CEP63: variants seen among roughly 807,000 people sequenced by gnomAD.
The protein encoded by CEP63 is centrosomal protein 63.
A neutral mutation model predicts 89.1 loss-of-function variants in CEP63; 84 were observed. The ratio of observed to expected loss-of-function variants is 0.94; its 90% CI spans 0.79 to 1.13. CEP63 has a LOEUF of 1.13. CEP63 is among the 50% of genes most tolerant of loss of function. The pLI, the probability that CEP63 is intolerant of heterozygous loss-of-function variation, is 0.00. For synonymous variants in CEP63, 267 were observed against 272.5 expected (o/e 0.98, Z 0.20); for missense variants, 838 against 813.3 (o/e 1.03, Z -0.37).
Position 134,546,157 on chromosome 3 carries a change from G to A in CEP63, c.798G>A (p.Gln266=), listed in dbSNP as rs2109620024. 1 of 1,613,780 alleles carries A rather than the reference G, an allele frequency of 6.2e-7. No individual in the cohort carries two copies. The highest frequency in any genetic ancestry group is 8.5e-7 in the Non-Finnish European group (1 of 1,179,906). The change falls in exon 8 of 15, where the codon CAG becomes CAA. Residue 266 remains glutamine, a synonymous_variant. Transcript: ENST00000675561. ...ATTTGACTTTTTTGCAGGCTCTGCAGGAAGAAAAGAGAGAATTGAAGGCAG... is the reference window on the plus strand; with the variant it reads ...ATTTGACTTTTTTGCAGGCTCTGCAAGAAGAAAAGAGAGAATTGAAGGCAG... ...RESEKLLEAL[Q]EEKRELKAAL...
At chr3:134,692,340 A>G in the CEP63 span, among the ~76,000 whole-genome samples, 3 of 150,148 alleles carry the variant, frequency 2.0e-5, no homozygotes, top group Non-Finnish European at 4.4e-5. Flanking sequence ...ATTCCCACCT[A>G]TGAGTGGGAA....
At position 134,564,665 on chromosome 3, in the gene CEP63, A is replaced by G. The variant is rs1382142463; in HGVS notation, c.*3130A>G. The G allele has an allele frequency of 6.1e-6, 6 of 985,240 alleles. No individual in the cohort carries two copies. Among genetic ancestry groups the G allele is most frequent in the Non-Finnish European group, 6.0e-6 (5 of 829,848 alleles). 61.0% of individuals were successfully genotyped at this position (985,240 alleles called of 1,614,324 possible). ...GGGGTCGAGAAGATTTACTGAAAAT[A>G]TATATTTGAAAGGGCTTTGCAGTTT... On this transcript the variant is annotated 3_prime_UTR_variant, in exon 15 of 15. Transcript: ENST00000675561.
At chr3:134,518,786 GAAAGA>G (rs1946783302) in intron 3 of CEP63, among the ~76,000 whole-genome samples, 2 of 151,476 alleles carry the variant, frequency 1.3e-5, no homozygotes, top group Admixed American at 6.6e-5. Context: ...AAAGAAATGA[GAAAGA>G]AAAGATGTAA....
the CEP63 span, among the ~76,000 whole-genome samples, chr3:134,742,125 T>A: frequency 1.3e-5 from 2 of 152,158 alleles, no homozygotes; most frequent in African/African-American, 2.4e-5. Context: ...TCAACTTTCA[T>A]CCTCTCATTT....
At chr3:134,713,681 G>A in the CEP63 span, among the ~76,000 whole-genome samples, 1 of 152,242 alleles carries the variant, frequency 6.6e-6, no homozygotes, top group South Asian at 2.1e-4. Flanking sequence ...TTGGTCTTGG[G>A]CCACACAGTC....
chr3:134,629,728 A>C, the CEP63 span: 1 of 1,408,990 alleles, frequency 7.1e-7, no homozygotes, highest in South Asian at 1.2e-5. Context: ...ATTCTCAACC[A>C]GATGCTGCCA....
chr3:134,520,568 A>G lies in CEP63; in HGVS notation c.223-11277A>G, dbSNP rs1046503106. 3.9e-5 allele frequency among the ~76,000 whole-genome samples: 6 copies of G among 152,220 alleles called. No homozygotes were observed. The South Asian group carries it at 1.0e-3, about 26-fold the overall frequency. On this transcript the variant is annotated intron_variant, in intron 3 of 14. Transcript: ENST00000675561. ...CAACAAGGTTGATTCTCAAATTTAT[A>G]TGGCAGTAGCCAAAACAATCTTGAT...
chr3:134,750,295 G>A, the CEP63 span, among the ~76,000 whole-genome samples: 29 of 152,232 alleles, frequency 1.9e-4, no homozygotes, highest in Middle Eastern at 3.4e-3. Flanking sequence ...GAGCCCCTCC[G>A]TCCCTGCTAG....
chr3:134,749,839 C>T, the CEP63 span, among the ~76,000 whole-genome samples: 2 of 126,884 alleles, frequency 1.6e-5, no homozygotes, highest in Non-Finnish European at 3.4e-5. Flanking sequence ...GTTGAGCAGA[C>T]AGGAATGGAG....
intron 13 of CEP63, among the ~76,000 whole-genome samples, chr3:134,558,886 C>T (rs1011664315): frequency 6.6e-6 from 1 of 152,152 alleles, no homozygotes; most frequent in Non-Finnish European, 1.5e-5. Context: ...CCTGTCCCAG[C>T]ACTAACCACA....
the CEP63 span, among the ~76,000 whole-genome samples, chr3:134,669,708 A>G: frequency 0.48 from 72,434 of 152,098 alleles, 18,039 homozygotes; most frequent in East Asian, 0.71. Flanking sequence ...CTGTAGGACT[A>G]AAGTGTCTGG....
intron 3 of CEP63, among the ~76,000 whole-genome samples, chr3:134,519,372 G>A (rs527504301): frequency 4.0e-5 from 6 of 151,864 alleles, no homozygotes; most frequent in African/African-American, 1.4e-4. Flanking sequence ...GACCTCAGGT[G>A]ATCTGCCCGC....
At chr3:134,612,360 C>T in the CEP63 span, among the ~76,000 whole-genome samples, 10 of 152,102 alleles carry the variant, frequency 6.6e-5, no homozygotes, top group African/African-American at 2.4e-4. Flanking sequence ...GCTGAGGAGA[C>T]CGTGGAAGGA....
chr3:134,733,815 T>G, the CEP63 span, among the ~76,000 whole-genome samples: 2 of 152,242 alleles, frequency 1.3e-5, no homozygotes, highest in African/African-American at 4.8e-5. Context: ...GAACAAATTC[T>G]GTTGCTTGAG....
the CEP63 span, chr3:134,643,264 G>T: frequency 1.3e-6 from 2 of 1,574,896 alleles, no homozygotes; most frequent in Non-Finnish European, 1.7e-6. Flanking sequence ...CAGAGCATCA[G>T]GTCTGGGCAC....
chr3:134,581,732 GTGGCGCGATCTCGGCT>G (rs1486457576), intron 10 of CEP63, among the ~76,000 whole-genome samples: 2 of 123,096 alleles, frequency 1.6e-5, no homozygotes, highest in African/African-American at 6.4e-5. Flanking sequence ...CTGGAGTGCA[GTGGCGCGATCTCGGCT>G]CACTGCAAGC....
At chr3:134,653,091 G>C in the CEP63 span, among the ~76,000 whole-genome samples, 8 of 152,204 alleles carry the variant, frequency 5.3e-5, no homozygotes, top group Non-Finnish European at 1.2e-4. Flanking sequence ...CTGGGGAAAT[G>C]GTGTGGAGGC....
the CEP63 span, among the ~76,000 whole-genome samples, chr3:134,647,855 G>T: frequency 6.6e-6 from 1 of 152,180 alleles, no homozygotes; most frequent in South Asian, 2.1e-4. Context: ...TCTGTATGTG[G>T]TGAATCACCC....
the CEP63 span, among the ~76,000 whole-genome samples, chr3:134,662,283 G>GA: frequency 0.77 from 111,727 of 146,046 alleles, 42,967 homozygotes; most frequent in East Asian, 0.94. Flanking sequence ...TCTCAAAAAA[G>GA]AAAAAAAAAA....
Sources: gnomAD v4.1 joint callset for allele counts (sites outside exome capture counted in the v4.1 genomes callset) on GRCh38, gnomAD v4.1.1 for gene constraint, MANE v1.5 for transcripts, NCBI Gene and HGNC (gene_info 2026-07-23, HGNC 2026-07-21) for gene names.